The following RTN4 variants were observed in gnomAD, a reference collection of about 807,000 sequenced individuals.
RTN4 encodes reticulon 4.
A neutral mutation model predicts 90.4 loss-of-function variants in RTN4; 32 were observed. The ratio of observed to expected loss-of-function variants is 0.35; its 90% confidence interval spans 0.27 to 0.48. The LOEUF is 0.48. Among genes scored for constraint, RTN4 ranks in the 20% least tolerant of loss-of-function variants. The pLI is 0.99. For synonymous variants in RTN4, 629 were observed against 552.5 expected (o/e 1.14, Z -1.94); for missense variants, 1,706 against 1,430.2 (o/e 1.19, Z -3.11).
chr2:55,056,539 A>T (rs1668193490), intron 2 of RTN4: 2 of 152,116 alleles, frequency 1.3e-5, no homozygotes, highest in Non-Finnish European at 2.9e-5. Context: ...CAGCTTGGGC[A>T]ACATGGCGAA....
At chr2:54,987,827 TAAAG>T (rs1433844202) in intron 3 of RTN4, 129 bp from the exon 4 acceptor site, 5 of 715,298 alleles carry the variant, frequency 7.0e-6, no homozygotes, top group Non-Finnish European at 7.0e-6. Flanking sequence ...AACACTAAGT[TAAAG>T]AAACACTAAC....
chr2:55,124,550 C>G, the RTN4 span, among the ~76,000 whole-genome samples: 1 of 152,138 alleles, frequency 6.6e-6, no homozygotes, highest in African/African-American at 2.4e-5. Context: ...AAACACTGTT[C>G]AAGGAAATCA....
At chr2:54,973,925 C>T (rs968197499) in intron 6 of RTN4, 58 bp from the exon 7 acceptor site, 1 of 1,470,286 alleles carries the variant, frequency 6.8e-7, no homozygotes, top group Admixed American at 1.8e-5. Context: ...GAGGAATAAA[C>T]ACTCAAAAAA....
chr2:54,975,576 G>A (rs1292923000), intron 5 of RTN4, among the ~76,000 whole-genome samples: 3 of 152,092 alleles, frequency 2.0e-5, no homozygotes, highest in African/African-American at 4.8e-5. Context: ...ATTCTGTGTC[G>A]TTGTCATAAC....
chr2:54,990,269 G>A (rs1390455700), intron 3 of RTN4, among the ~76,000 whole-genome samples: 1 of 152,166 alleles, frequency 6.6e-6, no homozygotes, highest in African/African-American at 2.4e-5. Context: ...ATAACTGAGA[G>A]TAAATTTCAT....
At position 55,026,072 on chromosome 2, in the gene RTN4, T is replaced by C. The variant is rs770060714; in HGVS notation, c.2027A>G (p.Glu676Gly). 3 of 1,610,414 alleles carry C rather than the reference T, an allele frequency of 1.9e-6. No individual in the cohort carries two copies. The highest frequency in any genetic ancestry group is 1.7e-4 in the Middle Eastern group (1 of 6,026). The change falls in exon 3 of 9, where the codon GAA becomes GGA. Residue 676 changes from glutamate to glycine, a missense_variant. Physicochemically the swap from Glu to Gly is moderately conservative, Grantham distance 98. Coordinates refer to ENST00000337526, the MANE Select transcript of RTN4 (RefSeq NM_020532.5). ...SLKKVSGIKE[E>G]IKEPENINAA... ...ATTAATATTTTCAGGCTCTTTAATT[T>C]CTTCCTTTATTCCTGATACTTTTTT...
intron 2 of RTN4, among the ~76,000 whole-genome samples, chr2:55,073,831 A>T (rs897667674): frequency 2.0e-5 from 3 of 152,254 alleles, no homozygotes; most frequent in African/African-American, 7.2e-5. Flanking sequence ...AAAGAGACGT[A>T]TAAACTTATC....
intron 1 of RTN4, among the ~76,000 whole-genome samples, chr2:55,103,138 T>G (rs987800969): frequency 5.9e-5 from 9 of 151,860 alleles, no homozygotes; most frequent in Admixed American, 1.3e-4. Context: ...AAGTATATTT[T>G]TAAAAGTTTA....
the RTN4 span, among the ~76,000 whole-genome samples, chr2:55,121,256 T>C: frequency 0.63 from 95,212 of 152,066 alleles, 29,978 homozygotes; most frequent in African/African-American, 0.69. Context: ...TGGTAAAAAT[T>C]ACCTGCAGTT....
chr2:55,057,897 C>T (rs576990779), intron 2 of RTN4, among the ~76,000 whole-genome samples: 1 of 152,200 alleles, frequency 6.6e-6, no homozygotes, highest in East Asian at 1.9e-4. Flanking sequence ...ACGGGAGGAT[C>T]GCTTGAGCCA....
the RTN4 span, among the ~76,000 whole-genome samples, chr2:55,128,590 G>A: frequency 6.6e-6 from 1 of 152,090 alleles, no homozygotes. Context: ...ATGGGATAAG[G>A]AAGGCCTTCT....
At chr2:55,024,965 A>C (rs1681707883) in intron 3 of RTN4, 121 bp downstream of exon 3, 6 of 1,214,992 alleles carry the variant, frequency 4.9e-6, no homozygotes, top group African/African-American at 1.5e-5. Context: ...AGTGGAGAAG[A>C]CTTCTTACCA....
At chr2:55,006,599 G>A (rs1335971539) in intron 3 of RTN4, among the ~76,000 whole-genome samples, 1 of 152,056 alleles carries the variant, frequency 6.6e-6, no homozygotes, top group African/African-American at 2.4e-5. Context: ...TTTAATGCTA[G>A]GAACATTTCT....
intron 1 of RTN4, among the ~76,000 whole-genome samples, chr2:55,111,229 A>G (rs1668033179): frequency 6.6e-6 from 1 of 152,144 alleles, no homozygotes; most frequent in African/African-American, 2.4e-5. Context: ...TCACTGGAAT[A>G]CTTGCATGAA....
chr2:55,049,762 C>T lies in RTN4; in HGVS notation c.539G>A (p.Gly180Asp), dbSNP rs1370904356. ...PSTPAAPKRR[G>D]SSGSVDETLF... ...GCACTCACCCACTGAGCCCGAGGAG[C>T]CCCTGCGCTTGGGCGCGGCCGGGGT... Residue 180 changes from glycine to aspartate, a missense_variant, in exon 1 of 9, where the codon GGC becomes GAC. Gly to Asp is a moderately conservative substitution (Grantham distance 94, BLOSUM62 -1). Coordinates refer to ENST00000337526, the MANE Select transcript of RTN4 (RefSeq NM_020532.5). 3.0e-6 allele frequency: 4 copies of T among 1,335,798 alleles called. No homozygotes were observed. Among genetic ancestry groups the T allele is most frequent in the African/African-American group, 1.5e-5 (1 of 65,156 alleles). 82.7% of individuals were successfully genotyped at this position (1,335,798 alleles called of 1,614,324 possible).
chr2:55,072,842 C>T (rs940383621), intron 2 of RTN4, among the ~76,000 whole-genome samples: 3 of 152,136 alleles, frequency 2.0e-5, no homozygotes, highest in Non-Finnish European at 4.4e-5. Flanking sequence ...ACAGGATTAC[C>T]ATTTGTGCTT....
intron 3 of RTN4, among the ~76,000 whole-genome samples, chr2:55,022,896 AACACACACACACACAC>A (rs150779063): frequency 2.2e-5 from 3 of 137,390 alleles, no homozygotes; most frequent in Admixed American, 1.5e-4. Context: ...TTCAACATCC[AACACACACACACACAC>A]ACACACACAC....
chr2:54,980,423 T>G (rs953953503), intron 5 of RTN4, among the ~76,000 whole-genome samples: 8 of 152,210 alleles, frequency 5.3e-5, no homozygotes, highest in African/African-American at 1.9e-4. Context: ...TAAAGACAAG[T>G]GGAAACTTTA....
intron 1 of RTN4, among the ~76,000 whole-genome samples, chr2:55,032,156 C>A (rs1318848895): frequency 6.6e-6 from 1 of 151,954 alleles, no homozygotes; most frequent in Non-Finnish European, 1.5e-5. Flanking sequence ...TCTTGGCTCA[C>A]TGCAACCTCC....
Sources: gnomAD v4.1 joint callset for allele counts (sites outside exome capture counted in the v4.1 genomes callset) on GRCh38, gnomAD v4.1.1 for gene constraint, MANE v1.5 for transcripts, NCBI Gene and HGNC (gene_info 2026-07-23, HGNC 2026-07-21) for gene names.